ZSWIM6: variants seen among roughly 807,000 people sequenced by gnomAD.
ZSWIM6 encodes the protein zinc finger SWIM domain-containing protein 6.
Under a neutral mutation model 113.2 loss-of-function variants are expected in ZSWIM6, and 9 were observed. That is an observed-to-expected ratio of 0.08 (90% CI 0.05 to 0.14). ZSWIM6 has a LOEUF of 0.14. ZSWIM6 is among the 10% of genes least tolerant of loss of function. The pLI is 1.00. For synonymous variants in ZSWIM6, 611 were observed against 606.5 expected, an observed-to-expected ratio of 1.01 and a Z score of -0.11; for missense variants, 1,162 against 1,552.2, an observed-to-expected ratio of 0.75 and a Z score of 4.22.
At chr5:61,531,406 TA>T (rs1447603233) in intron 8 of ZSWIM6, 58 bp from the exon 9 acceptor site, 13 of 1,504,614 alleles carry the variant, frequency 8.6e-6, no homozygotes, top group Non-Finnish European at 1.2e-5. Context: ...TATTTGTACT[TA>T]TCATATCATC....
Position 61,386,284 on chromosome 5 carries a change from G to A in ZSWIM6, c.676+53336G>A, listed in dbSNP as rs549362962. Among the ~76,000 whole-genome samples, 72 of 152,196 alleles carry A rather than the reference G, an allele frequency of 4.7e-4. No homozygotes were observed. In the South Asian group the frequency reaches 0.013, roughly 27 times the overall value. The stretch of plus-strand genomic sequence containing the variant: ...CTTCCTGCTTCTGAGTTATTTGCCC[G>A]GAGTGATTTGCCTTTGCTTTGTACC... On this transcript the variant is annotated intron_variant, in intron 1 of 13. Coordinates refer to ENST00000252744, the MANE Select transcript of ZSWIM6 (RefSeq NM_020928.2).
chr5:61,476,858 G>A (rs1747719184), intron 2 of ZSWIM6, among the ~76,000 whole-genome samples: 1 of 152,050 alleles, frequency 6.6e-6, no homozygotes. Context: ...ATCCAATATT[G>A]TCTCCACTAC....
chr5:61,422,631 A>G (rs1321343218), intron 1 of ZSWIM6, among the ~76,000 whole-genome samples: 2 of 152,116 alleles, frequency 1.3e-5, no homozygotes, highest in Non-Finnish European at 2.9e-5. Flanking sequence ...TTGGTATTGC[A>G]TTAAGTCTGT....
intron 1 of ZSWIM6, among the ~76,000 whole-genome samples, chr5:61,367,740 T>C (rs1745188798): frequency 6.6e-6 from 1 of 152,110 alleles, no homozygotes; most frequent in South Asian, 2.1e-4. Flanking sequence ...TGGCTAGACT[T>C]TTTACCTTCA....
chr5:61,511,977 A>G (rs896848677), intron 4 of ZSWIM6, among the ~76,000 whole-genome samples: 2 of 152,176 alleles, frequency 1.3e-5, no homozygotes, highest in Non-Finnish European at 1.5e-5. Flanking sequence ...TTACTATACT[A>G]TAAAATACAT....
intron 1 of ZSWIM6, among the ~76,000 whole-genome samples, chr5:61,431,546 C>T (rs1746580912): frequency 6.6e-6 from 1 of 151,532 alleles, no homozygotes; most frequent in Admixed American, 6.6e-5. Flanking sequence ...GAGATAGAGA[C>T]CATCCTGGCT....
At chr5:61,442,971 A>G (rs552123275) in intron 1 of ZSWIM6, among the ~76,000 whole-genome samples, 1 of 152,234 alleles carries the variant, frequency 6.6e-6, no homozygotes, top group Non-Finnish European at 1.5e-5. Context: ...TCAGTCTTCC[A>G]TTAGTTCAGT....
rs183543690 is a variant in ZSWIM6 at position 61,343,023 on chromosome 5, G to A, written c.676+10075G>A. On this transcript the variant is annotated intron_variant, in intron 1 of 13. Transcript: ENST00000252744. ...ATTAACTTGCAGGTTAGATCTAATCGTATATATGCAGCAAAGTTAGGTTTT... is the reference window on the plus strand; with the variant it reads ...ATTAACTTGCAGGTTAGATCTAATCATATATATGCAGCAAAGTTAGGTTTT... Among the ~76,000 whole-genome samples the A allele has an allele frequency of 2.9e-3, 442 of 152,244 alleles. 3 individuals carry two copies. Among genetic ancestry groups the A allele is most frequent in the Non-Finnish European group, 3.5e-3 (236 of 68,018 alleles).
intron 2 of ZSWIM6, among the ~76,000 whole-genome samples, chr5:61,478,431 G>A (rs1468804228): frequency 6.6e-6 from 1 of 152,028 alleles, no homozygotes; most frequent in Non-Finnish European, 1.5e-5. Flanking sequence ...TTTTCCTCAC[G>A]AACACACATG....
rs780393066 is a variant in ZSWIM6, at chr5:61,530,159, A to G, written c.1945A>G (p.Ile649Val). 9.0e-6 allele frequency: 14 copies of G among 1,551,790 alleles called. No individual in the cohort carries two copies. The South Asian group carries it at 1.5e-4, about 17-fold the overall frequency. Residue 649 changes from isoleucine (I) to valine (V), a missense_variant, in exon 8 of 14, where the codon ATT (isoleucine) becomes GTT (valine). Coordinates refer to ENST00000252744, the MANE Select transcript of ZSWIM6 (RefSeq NM_020928.2). Reference protein sequence around the residue: ...LFSSLMEACRIDDENLSGFSD... With the variant: ...LFSSLMEACRVDDENLSGFSD... The stretch of plus-strand genomic sequence containing the variant: ...CAGTAGCCTTATGGAAGCCTGCCGC[A>G]TTGATGATGAGAACCTCTCTGGGTT...
At position 61,343,569 on chromosome 5, in the gene ZSWIM6, G is replaced by T. The variant is rs193160438; in HGVS notation, c.676+10621G>T. On this transcript the variant is annotated intron_variant, in intron 1 of 13. Coordinates refer to ENST00000252744, the MANE Select transcript of ZSWIM6 (RefSeq NM_020928.2). The stretch of plus-strand genomic sequence containing the variant: ...TTTTTATGAGTGTAGTACTGTGTAG[G>T]GATTCTGTAATTTAGGTATAAGGGG... Among the ~76,000 whole-genome samples the T allele has an allele frequency of 3.6e-3, 549 of 152,162 alleles. 4 individuals carry two copies. The highest frequency in any genetic ancestry group is 0.021 in the South Asian group (101 of 4,824).
intron 4 of ZSWIM6, among the ~76,000 whole-genome samples, chr5:61,507,141 A>G (rs1170758415): frequency 3.3e-5 from 5 of 152,142 alleles, no homozygotes; most frequent in Admixed American, 6.5e-5. Flanking sequence ...TTCTCCAGTG[A>G]TATTATACAC....
rs1463454846 is a variant in ZSWIM6, at chr5:61,454,561, C to A, written c.677-18120C>A. On this transcript the variant is annotated intron_variant, in intron 1 of 13. Coordinates refer to ENST00000252744, the MANE Select transcript of ZSWIM6 (RefSeq NM_020928.2). ...TATAGGTATGAGCCACCGTGCCTAT[C>A]CCTAAGTTTTTTTTTTTTTTTTTTT... Among the ~76,000 whole-genome samples, 3 of 146,962 alleles carry A rather than the reference C, an allele frequency of 2.0e-5. No individual in the cohort carries two copies. In the South Asian group the frequency reaches 6.5e-4, roughly 32 times the overall value.
At chr5:61,491,698 A>G (rs999634965) in intron 3 of ZSWIM6, among the ~76,000 whole-genome samples, 1 of 152,082 alleles carries the variant, frequency 6.6e-6, no homozygotes, top group Non-Finnish European at 1.5e-5. Flanking sequence ...TTATATTTTC[A>G]TTGGGGGTAT....
intron 1 of ZSWIM6, among the ~76,000 whole-genome samples, chr5:61,454,501 G>T (rs1044028369): frequency 6.6e-6 from 1 of 150,612 alleles, no homozygotes; most frequent in African/African-American, 2.4e-5. Context: ...GGGCTCACGT[G>T]ATCTTCCTGC....
At chr5:61,350,913 T>A (rs1204680898) in intron 1 of ZSWIM6, among the ~76,000 whole-genome samples, 2 of 152,226 alleles carry the variant, frequency 1.3e-5, no homozygotes, top group Non-Finnish European at 2.9e-5. Context: ...AAAAGGGAAA[T>A]AGATTGTTAC....
At chr5:61,337,143 G>A (rs1744417093) in intron 1 of ZSWIM6, among the ~76,000 whole-genome samples, 1 of 152,094 alleles carries the variant, frequency 6.6e-6, no homozygotes, top group South Asian at 2.1e-4. Flanking sequence ...TAGCCAGAGC[G>A]GTTGCGGGCG....
At chr5:61,342,615 A>G (rs762520586) in intron 1 of ZSWIM6, among the ~76,000 whole-genome samples, 2 of 152,168 alleles carry the variant, frequency 1.3e-5, no homozygotes, top group African/African-American at 2.4e-5. Flanking sequence ...GTGTGTTGCT[A>G]CTTTCTAGAG....
chr5:61,361,977 A>T (rs536072860), intron 1 of ZSWIM6, among the ~76,000 whole-genome samples: 14 of 152,364 alleles, frequency 9.2e-5, no homozygotes, highest in Admixed American at 9.1e-4. Flanking sequence ...ATGTTTTCAC[A>T]TATGGAAATA....
Sources: gnomAD v4.1 joint callset for allele counts (sites outside exome capture counted in the v4.1 genomes callset) on GRCh38, gnomAD v4.1.1 for gene constraint, MANE v1.5 for transcripts, NCBI Gene and HGNC (gene_info 2026-07-23, HGNC 2026-07-21) for gene names.